The following LRRC27 variants were observed in gnomAD, a reference collection of about 807,000 sequenced individuals.
The protein encoded by LRRC27 is leucine-rich repeat-containing protein 27.
Under a neutral mutation model 55.0 loss-of-function variants are expected in LRRC27, and 57 were observed. That is an observed-to-expected ratio of 1.04 (90% CI 0.84 to 1.29). The LOEUF is 1.29. Among genes scored for constraint, LRRC27 ranks in the 50% most tolerant of loss-of-function variants. The probability of loss-of-function intolerance (pLI) is 0.00; values close to 1 mark genes in which losing one functional copy is unlikely to be tolerated. For missense variants in LRRC27, 721 were observed against 651.5 expected (o/e 1.11, Z -1.16); for synonymous variants, 278 against 251.9 (o/e 1.10, Z -0.98).
At chr10:132,333,821 T>G (rs1216508744) in intron 2 of LRRC27, 87 bp downstream of exon 2, 1 of 996,218 alleles carries the variant, frequency 1.0e-6, no homozygotes, top group East Asian at 2.5e-5. Context: ...ATTTGTAGGC[T>G]TCTTTCTCTT....
chr10:132,332,390 G>C (rs1004492142), intron 1 of LRRC27, 134 bp downstream of exon 1: 1 of 152,308 alleles, frequency 6.6e-6, no homozygotes, highest in Non-Finnish European at 1.5e-5. Context: ...CCCTTCTGAG[G>C]CCTGGAATGT....
At chr10:132,344,738 A>T (rs1003642936) in intron 5 of LRRC27, 88 bp downstream of exon 5, 3 of 1,457,258 alleles carry the variant, frequency 2.1e-6, no homozygotes, top group African/African-American at 1.4e-5. Context: ...TCTCTTTAAT[A>T]ACATCCTGAG....
intron 10 of LRRC27, 37 bp downstream of exon 10, chr10:132,365,587 G>A (rs1489770609): frequency 1.9e-5 from 30 of 1,602,190 alleles, no homozygotes; most frequent in African/African-American, 2.7e-5. Context: ...AAAGTGTGGG[G>A]TGTTTTTTGT....
chr10:132,353,350 T>A, intron 7 of LRRC27: 1 of 1,086,702 alleles, frequency 9.2e-7, no homozygotes, highest in Non-Finnish European at 1.1e-6. Flanking sequence ...ACCGCCCCTG[T>A]GGCTCACCTG....
chr10:132,368,749 T>C (rs1341320398), intron 10 of LRRC27, among the ~76,000 whole-genome samples: 2 of 152,208 alleles, frequency 1.3e-5, no homozygotes, highest in Non-Finnish European at 2.9e-5. Flanking sequence ...ATGGTGATGA[T>C]GTTTAAATAC....
chr10:132,362,096 C>T (rs1217635436), intron 9 of LRRC27, among the ~76,000 whole-genome samples: 1 of 152,208 alleles, frequency 6.6e-6, no homozygotes, highest in Non-Finnish European at 1.5e-5. Context: ...GAAGGGGACT[C>T]AGGCAAAGTA....
At chr10:132,362,684 CCA>C (rs1197712160) in intron 9 of LRRC27, among the ~76,000 whole-genome samples, 331 of 54,846 alleles carry the variant, frequency 6.0e-3, no homozygotes, top group African/African-American at 0.024. Flanking sequence ...GCTCGGGGGG[CCA>C]GGGTTCATGA....
intron 10 of LRRC27, among the ~76,000 whole-genome samples, chr10:132,365,874 T>C (rs2069055462): frequency 6.6e-6 from 1 of 152,234 alleles, no homozygotes; most frequent in Non-Finnish European, 1.5e-5. Context: ...GCTGGGCCAC[T>C]GTGCACAGCC....
intron 9 of LRRC27, among the ~76,000 whole-genome samples, chr10:132,364,925 C>CT (rs2068985852): frequency 1.4e-5 from 2 of 145,370 alleles, no homozygotes; most frequent in Non-Finnish European, 1.5e-5. Flanking sequence ...GCTCTTTCTA[C>CT]CACCCTGAGT....
At chr10:132,341,286 G>A (rs2138664680) in intron 3 of LRRC27, among the ~76,000 whole-genome samples, 1 of 151,334 alleles carries the variant, frequency 6.6e-6, no homozygotes, top group Non-Finnish European at 1.5e-5. Context: ...CGGGAGGATT[G>A]CTTGAGCCCA....
In LRRC27 at chr10:132,333,483, C is replaced by G. The variant is rs758805717; in HGVS notation, c.-42C>G. Reference sequence around the variant, plus strand: ...CCCTTTCCCGTGTCTCCAGGTGACTCCAGACCAAGGAGGATGAGCTGCTGT... The same window carrying G: ...CCCTTTCCCGTGTCTCCAGGTGACTGCAGACCAAGGAGGATGAGCTGCTGT... On this transcript the variant is annotated 5_prime_UTR_variant, in exon 2 of 11. Transcript: ENST00000368614. The G allele has an allele frequency of 4.4e-5, 67 of 1,512,466 alleles. No individual in the cohort carries two copies. Among genetic ancestry groups the G allele is most frequent in the Non-Finnish European group, 8.9e-7 (1 of 1,121,224 alleles). 93.7% of individuals were successfully genotyped at this position (1,512,466 alleles called of 1,614,324 possible).
chr10:132,336,282 G>A (rs772621991), intron 2 of LRRC27, among the ~76,000 whole-genome samples: 3 of 152,214 alleles, frequency 2.0e-5, no homozygotes, highest in Admixed American at 6.5e-5. Context: ...AAGGCAGCAC[G>A]TGGAGGCATG....
chr10:132,364,420 T>TC lies in LRRC27; in HGVS notation c.1290-1004_1290-1003insC, dbSNP rs2068846234. ...TTACATCTACCTCCACACCCGCGCT[T>TC]ACACCCACGCTTACATCTACCTCCA... On this transcript the variant is annotated intron_variant, in intron 9 of 10. Coordinates refer to ENST00000368614, the MANE Select transcript of LRRC27 (RefSeq NM_030626.3). Among the ~76,000 whole-genome samples the TC allele has an allele frequency of 4.5e-5, 3 of 66,588 alleles. 1 individual carries two copies. Among genetic ancestry groups the TC allele is most frequent in the African/African-American group, 2.4e-4 (3 of 12,576 alleles). The allele number at this position is 66,588 out of a possible 152,430, so 43.7% of individuals were successfully genotyped here.
Position 132,337,705 on chromosome 10 carries a change from T to A in LRRC27, c.341+10T>A. On this transcript the variant is annotated intron_variant, in intron 3 of 10. Transcript: ENST00000368614. ...GGATTGGAGCTCACCAGTAAGTTGT[T>A]TATGTTTCCAGATTTTAAAAATCAT... is the stretch of plus-strand genomic sequence containing the variant. 1 of 1,612,204 alleles carries A rather than the reference T, an allele frequency of 6.2e-7. No homozygotes were observed. Among genetic ancestry groups the A allele is most frequent in the Non-Finnish European group, 8.5e-7 (1 of 1,178,996 alleles).
chr10:132,351,895 C>T, intron 7 of LRRC27, 142 bp downstream of exon 7: 1 of 1,090,756 alleles, frequency 9.2e-7, no homozygotes, highest in Non-Finnish European at 1.3e-6. Context: ...CCGTCTCTTC[C>T]TCACCTGGAA....
Position 132,380,126 on chromosome 10 carries a change from G to A in LRRC27, c.*4884G>A, listed in dbSNP as rs1356706309. On this transcript the variant is annotated 3_prime_UTR_variant, in exon 11 of 11. Transcript: ENST00000368614. The stretch of plus-strand genomic sequence containing the variant: ...AGCCTGGCCAACATGGAGAAACCCC[G>A]TGACTACTAAAAATAAAAAATTAGC... Among the ~76,000 whole-genome samples the A allele has an allele frequency of 3.3e-5, 5 of 151,976 alleles. No individual in the cohort carries two copies. Among genetic ancestry groups the A allele is most frequent in the African/African-American group, 9.7e-5 (4 of 41,356 alleles).
At chr10:132,345,173 C>G (rs566034226) in intron 5 of LRRC27, among the ~76,000 whole-genome samples, 2 of 152,080 alleles carry the variant, frequency 1.3e-5, no homozygotes, top group Admixed American at 1.3e-4. Flanking sequence ...GTCTTGAGTA[C>G]GCATTGTAGT....
upstream of LRRC27, chr10:132,331,403 C>T: frequency 1.3e-6 from 2 of 1,576,876 alleles, no homozygotes; most frequent in Non-Finnish European, 1.7e-6. Context: ...CATCTTCTTC[C>T]AAATTCTCAA....
At position 132,348,118 on chromosome 10, in the gene LRRC27, A is replaced by C; in HGVS notation, c.688A>C (p.Ser230Arg). 1.2e-6 allele frequency: 2 copies of C among 1,614,140 alleles called. No homozygotes were observed. The highest frequency in any genetic ancestry group is 8.5e-7 in the Non-Finnish European group (1 of 1,180,046). ...PEGAVMKEKA[S>R]FLPPVEKPDL... is the part of the protein sequence containing the mutation. ...GGGGGCTGTGATGAAAGAGAAGGCC[A>C]GCTTTCTCCCACCTGTGGAAAAGCC... is the stretch of plus-strand genomic sequence containing the variant. The change falls in exon 6 of 11, where the codon AGC becomes CGC. Residue 230 changes from serine to arginine, a missense_variant. Coordinates refer to ENST00000368614, the MANE Select transcript of LRRC27 (RefSeq NM_030626.3). This position sits in a 1 kb window ranked among gnomAD's most constrained non-coding sequence, Gnocchi z 4.2.
Sources: allele counts gnomAD v4.1 joint callset (sites outside exome capture counted in the v4.1 genomes callset), GRCh38; gene constraint gnomAD v4.1.1; non-coding constraint Gnocchi (gnomAD v3.1); transcripts MANE v1.5; gene names NCBI Gene and HGNC (gene_info 2026-07-23, HGNC 2026-07-21).